Variants in PLPP3 observed in about 807,000 individuals in gnomAD.
PLPP3 encodes phospholipid phosphatase 3.
PLPP3 carries 6 observed loss-of-function variants against 29.6 expected under a neutral mutation model. The ratio of observed to expected loss-of-function variants is 0.20; its 90% confidence interval spans 0.11 to 0.40. PLPP3 has a LOEUF of 0.40. Ranked by LOEUF, PLPP3 falls within the 10% of genes least tolerant of loss-of-function variation. The probability of loss-of-function intolerance (pLI) is 1.00; values close to 1 mark genes in which losing one functional copy is unlikely to be tolerated. For missense variants in PLPP3, 308 were observed against 407.7 expected (o/e 0.76, Z 2.11); for synonymous variants, 152 against 159.7 (o/e 0.95, Z 0.36).
intron 1 of PLPP3, among the ~76,000 whole-genome samples, chr1:56,563,601 C>T (rs1378246386): frequency 1.3e-5 from 2 of 152,114 alleles, no homozygotes; most frequent in Non-Finnish European, 2.9e-5. Context: ...GATAGATGGC[C>T]CAAGTGACCA....
intron 2 of PLPP3, among the ~76,000 whole-genome samples, chr1:56,527,150 C>T (rs1037768049): frequency 6.6e-6 from 1 of 152,174 alleles, no homozygotes; most frequent in Non-Finnish European, 1.5e-5. Context: ...GCTCTAATGT[C>T]CCATCTCTAA....
At chr1:56,528,356 C>G (rs1348579185) in intron 2 of PLPP3, among the ~76,000 whole-genome samples, 1 of 152,056 alleles carries the variant, frequency 6.6e-6, no homozygotes, top group Non-Finnish European at 1.5e-5. Flanking sequence ...CTCAACTGCC[C>G]ACATATTTAC....
chr1:56,573,200 T>C (rs1293306142), intron 1 of PLPP3, among the ~76,000 whole-genome samples: 1 of 152,214 alleles, frequency 6.6e-6, no homozygotes, highest in Non-Finnish European at 1.5e-5. Context: ...TTCAATTACA[T>C]AGAGTTCGGT....
Position 56,524,333 on chromosome 1 carries a change from T to C in PLPP3, c.519A>G (p.Glu173=). The change falls in exon 3 of 6, where the codon GAA becomes GAG. Residue 173 remains glutamate (E), a synonymous_variant. Transcript: ENST00000371250. The surrounding 1 kb of genome is among the most constrained non-coding windows in gnomAD (Gnocchi z 4.3). ...NPDFSQINCS[E]GYIQNYRCRG... Reference sequence around the variant, plus strand: ...TGCATCTGTAGTTCTGAATGTAGCCTTCAGAGCAGTTGATCTGGCTGAAAT... The same window carrying C: ...TGCATCTGTAGTTCTGAATGTAGCCCTCAGAGCAGTTGATCTGGCTGAAAT... 6.2e-7 allele frequency: 1 copy of C among 1,614,050 alleles called. No homozygotes were observed. The highest frequency in any genetic ancestry group is 1.1e-5 in the South Asian group (1 of 91,072).
At chr1:56,506,744 G>C (rs1645704755) in intron 5 of PLPP3, among the ~76,000 whole-genome samples, 1 of 152,176 alleles carries the variant, frequency 6.6e-6, no homozygotes. Flanking sequence ...TCTTTGGTAG[G>C]GGTAACTTAG....
intron 1 of PLPP3, among the ~76,000 whole-genome samples, chr1:56,552,801 T>C (rs1569587758): frequency 6.6e-6 from 1 of 152,106 alleles, no homozygotes; most frequent in African/African-American, 2.4e-5. Flanking sequence ...CTGAGAAACA[T>C]ATGGCTTCAA....
intron 1 of PLPP3, among the ~76,000 whole-genome samples, chr1:56,573,603 TC>T (rs1177826172): frequency 2.6e-5 from 4 of 152,180 alleles, no homozygotes; most frequent in Non-Finnish European, 5.9e-5. Context: ...AATCTGAATA[TC>T]CTGGAGAAGA....
At position 56,511,901 on chromosome 1, in the gene PLPP3, G is replaced by A. The variant is rs1488725007; in HGVS notation, c.810+75C>T. On this transcript the variant is annotated intron_variant, in intron 5 of 5. Coordinates refer to ENST00000371250, the MANE Select transcript of PLPP3 (RefSeq NM_003713.5). ...CAGGAACGAGGGCTCTCTAGCTTTA[G>A]TCACTGAGCTGGAAACATTTAACAA... The A allele has an allele frequency of 1.9e-6, 3 of 1,568,192 alleles. No homozygotes were observed. In the African/African-American group the frequency reaches 4.1e-5, roughly 21 times the overall value.
intron 1 of PLPP3, among the ~76,000 whole-genome samples, chr1:56,568,619 C>T (rs529064973): frequency 6.6e-6 from 1 of 152,244 alleles, no homozygotes; most frequent in East Asian, 1.9e-4. Context: ...AAGTACCTGT[C>T]ATATCTTTCT....
At chr1:56,537,643 T>C (rs1187059902) in intron 1 of PLPP3, among the ~76,000 whole-genome samples, 1 of 152,040 alleles carries the variant, frequency 6.6e-6, no homozygotes, top group East Asian at 1.9e-4. Context: ...CCCAGTTTTT[T>C]CCCACAGTAA....
intron 4 of PLPP3, among the ~76,000 whole-genome samples, chr1:56,522,556 A>G (rs539482524): frequency 6.6e-6 from 1 of 152,326 alleles, no homozygotes; most frequent in South Asian, 2.1e-4. Flanking sequence ...TCATGAACAC[A>G]TAAAATCCAT....
chr1:56,579,296 T>C lies in PLPP3; in HGVS notation c.-280A>G, dbSNP rs1646260452. 2.5e-6 allele frequency: 1 copy of C among 397,634 alleles called. No homozygotes were observed. The highest frequency in any genetic ancestry group is 5.1e-5 in the Admixed American group (1 of 19,578). 24.6% of individuals were successfully genotyped at this position (397,634 alleles called of 1,614,324 possible). ...GAGCCAGATCCCGAGCAGAAACTTT[T>C]GCAGAGCTGCGCAGCTTGGGGCGCG... On this transcript the variant is annotated 5_prime_UTR_variant, in exon 1 of 6. Coordinates refer to ENST00000371250, the MANE Select transcript of PLPP3 (RefSeq NM_003713.5).
intron 5 of PLPP3, among the ~76,000 whole-genome samples, chr1:56,511,214 A>G (rs1645739199): frequency 6.6e-6 from 1 of 152,182 alleles, no homozygotes; most frequent in East Asian, 1.9e-4. Context: ...CTTAGCAGGC[A>G]GGAAAAGCAG....
At chr1:56,522,909 T>C (rs1425579808) in intron 4 of PLPP3, among the ~76,000 whole-genome samples, 10 of 152,082 alleles carry the variant, frequency 6.6e-5, no homozygotes. Flanking sequence ...GAAACCCACA[T>C]GTAACTGACA....
At chr1:56,557,008 AAGAGAGAGAGAGAG>A (rs776934339) in intron 1 of PLPP3, among the ~76,000 whole-genome samples, 512 of 13,482 alleles carry the variant, frequency 0.038, 11 homozygotes, top group Admixed American at 0.061. Context: ...GAAAGAAAGA[AAGAGAGAGAGAGAG>A]AGAAAGAGAG....
In PLPP3 at chr1:56,524,196, A is replaced by C; in HGVS notation, c.575+81T>G. ...TATGCCTTATTCACCCATCTAAACC[A>C]GGGCCCAGCTAGTAAGTGCTCACTG... On this transcript the variant is annotated intron_variant, in intron 3 of 5. Transcript: ENST00000371250. This position sits in a 1 kb window ranked among gnomAD's most constrained non-coding sequence, Gnocchi z 4.3. 2 of 1,514,140 alleles carry C rather than the reference A, an allele frequency of 1.3e-6. No individual in the cohort carries two copies. Among genetic ancestry groups the C allele is most frequent in the Non-Finnish European group, 1.8e-6 (2 of 1,108,550 alleles). The allele number at this position is 1,514,140 out of a possible 1,614,324, so 93.8% of individuals were successfully genotyped here.
intron 1 of PLPP3, among the ~76,000 whole-genome samples, chr1:56,541,407 TAGTA>T (rs1645968121): frequency 6.6e-6 from 1 of 152,138 alleles, no homozygotes; most frequent in South Asian, 2.1e-4. Context: ...ACTAAACAGT[TAGTA>T]AGTTAGTATG....
intron 4 of PLPP3, among the ~76,000 whole-genome samples, chr1:56,521,139 G>A (rs1454373133): frequency 6.6e-6 from 1 of 150,662 alleles, no homozygotes; most frequent in Non-Finnish European, 1.5e-5. Flanking sequence ...GGTGGCTGAG[G>A]TGGAAGGATC....
chr1:56,503,451 G>A (rs1645681045), intron 5 of PLPP3, among the ~76,000 whole-genome samples: 1 of 152,200 alleles, frequency 6.6e-6, no homozygotes, highest in African/African-American at 2.4e-5. Context: ...CACTTTGGGA[G>A]GCCGAGGTGG....
Sources: gnomAD v4.1 joint callset for allele counts (sites outside exome capture counted in the v4.1 genomes callset) on GRCh38, gnomAD v4.1.1 for gene constraint, Gnocchi (gnomAD v3.1) non-coding constraint, MANE v1.5 for transcripts, NCBI Gene and HGNC (gene_info 2026-07-23, HGNC 2026-07-21) for gene names.